Variants in JAZF1 observed in about 807,000 individuals in gnomAD.
JAZF1 encodes JAZF zinc finger 1.
JAZF1 carries 8 observed loss-of-function variants against 26.4 expected under a neutral mutation model. The ratio of observed to expected loss-of-function variants is 0.30; its 90% CI spans 0.18 to 0.55. The LOEUF (loss-of-function observed/expected upper bound fraction) is 0.55, where lower values mean the gene tolerates loss of function less well. Among genes scored for constraint, JAZF1 ranks in the 20% least tolerant of loss-of-function variants. The pLI is 0.94. For missense variants in JAZF1, 199 were observed against 322.0 expected (o/e 0.62, Z 2.92); for synonymous variants, 126 against 122.3 (o/e 1.03, Z -0.20).
chr7:27,897,969 T>C (rs143069741), intron 2 of JAZF1, among the ~76,000 whole-genome samples: 182 of 152,326 alleles, frequency 1.2e-3, no homozygotes, highest in African/African-American at 4.0e-3. Context: ...CAGAGGACTG[T>C]TGTGAGAGTA....
intron 2 of JAZF1, among the ~76,000 whole-genome samples, chr7:27,939,247 G>A (rs1383275426): frequency 6.6e-6 from 1 of 152,186 alleles, no homozygotes; most frequent in African/African-American, 2.4e-5. Context: ...AAACTCCTGG[G>A]AGAAAAAACC....
intron 2 of JAZF1, among the ~76,000 whole-genome samples, chr7:27,910,033 AAAG>A (rs1784333989): frequency 6.6e-6 from 1 of 152,230 alleles, no homozygotes; most frequent in South Asian, 2.1e-4. Context: ...AAATGCTTGC[AAAG>A]GAGGAGCACT....
chr7:28,063,417 C>T (rs991782141), intron 1 of JAZF1, among the ~76,000 whole-genome samples: 2 of 152,076 alleles, frequency 1.3e-5, no homozygotes, highest in Admixed American at 6.5e-5. Context: ...CTGCGAACTG[C>T]AATAGAACCA....
intron 1 of JAZF1, among the ~76,000 whole-genome samples, chr7:28,056,473 CACAAT>C (rs1783712323): frequency 1.0e-5 from 1 of 99,404 alleles, no homozygotes; most frequent in South Asian, 3.1e-4. Flanking sequence ...CACACACACA[CACAAT>C]AAGAAAGAAA....
intron 1 of JAZF1, among the ~76,000 whole-genome samples, chr7:28,045,059 C>T (rs1390617667): frequency 6.7e-6 from 1 of 148,838 alleles, no homozygotes; most frequent in Non-Finnish European, 1.5e-5. Flanking sequence ...AAGGGGCAGG[C>T]AGGAAGGAAG....
chr7:28,011,643 G>A (rs1392043126), intron 1 of JAZF1, among the ~76,000 whole-genome samples: 3 of 152,130 alleles, frequency 2.0e-5, no homozygotes, highest in Non-Finnish European at 4.4e-5. Context: ...TTGGTAATCA[G>A]AGCGCAGGGA....
chr7:28,110,615 A>AAAAGGAAAGG (rs201512210), intron 1 of JAZF1, among the ~76,000 whole-genome samples: 30 of 128,468 alleles, frequency 2.3e-4, no homozygotes, highest in South Asian at 2.8e-4. Flanking sequence ...AAAGGAAAGG[A>AAAAGGAAAGG]AAAGGAAAGG....
chr7:28,120,751 T>G (rs1347906626), intron 1 of JAZF1, among the ~76,000 whole-genome samples: 2 of 152,072 alleles, frequency 1.3e-5, no homozygotes, highest in South Asian at 2.1e-4. Context: ...CCACCCCAAG[T>G]GGGAGATTTG....
intron 1 of JAZF1, among the ~76,000 whole-genome samples, chr7:28,017,330 G>T (rs7811951): frequency 6.8e-5 from 10 of 146,276 alleles, no homozygotes; most frequent in African/African-American, 2.6e-4. Flanking sequence ...CAGCCTAGGC[G>T]ACAGTGAGAC....
chr7:28,013,756 C>T (rs1196051349), intron 1 of JAZF1, among the ~76,000 whole-genome samples: 2 of 152,076 alleles, frequency 1.3e-5, no homozygotes, highest in African/African-American at 4.8e-5. Flanking sequence ...TGATTGCTGG[C>T]CACAGAGAGA....
intron 2 of JAZF1, among the ~76,000 whole-genome samples, chr7:27,925,740 A>G (rs1317434628): frequency 6.6e-6 from 1 of 152,126 alleles, no homozygotes; most frequent in Admixed American, 6.5e-5. Context: ...GCCAATATTC[A>G]TTTGGATGTT....
intron 2 of JAZF1, among the ~76,000 whole-genome samples, chr7:27,973,830 A>G (rs181812193): frequency 3.5e-4 from 54 of 152,310 alleles, no homozygotes; most frequent in Non-Finnish European, 5.9e-4. Context: ...AGCTCTAGTG[A>G]TGGCAGCTGG....
At chr7:28,114,464 C>G (rs1270801689) in intron 1 of JAZF1, among the ~76,000 whole-genome samples, 1 of 151,588 alleles carries the variant, frequency 6.6e-6, no homozygotes, top group Non-Finnish European at 1.5e-5. Flanking sequence ...CCAAAGAGGC[C>G]TATTCTTAAT....
chr7:27,852,195 G>C (rs529440405), intron 3 of JAZF1, among the ~76,000 whole-genome samples: 161 of 151,088 alleles, frequency 1.1e-3, no homozygotes, highest in African/African-American at 3.8e-3. Context: ...GCAGTGGAGC[G>C]ATCTGAGCTC....
chr7:27,905,332 A>AAT (rs5883107), intron 2 of JAZF1, among the ~76,000 whole-genome samples: 55,897 of 140,524 alleles, frequency 0.4, 10,503 homozygotes, highest in East Asian at 0.49. Context: ...GTCTTTGGAG[A>AAT]ATTCTAATCT....
At position 28,000,022 on chromosome 7, in the gene JAZF1, T is replaced by C. The variant is rs117554813; in HGVS notation, c.116-8041A>G. On this transcript the variant is annotated intron_variant, in intron 1 of 4. Transcript: ENST00000283928. ...GATGAATGGGAACTGAGCCAGGTTT[T>C]GAAGGGAGTGAGCGTAGCGAATCAT... Among the ~76,000 whole-genome samples the C allele has an allele frequency of 3.7e-4, 57 of 152,292 alleles. 3 individuals carry two copies. The East Asian group carries it at 0.011, about 29-fold the overall frequency.
intron 1 of JAZF1, among the ~76,000 whole-genome samples, chr7:28,115,274 T>C (rs1039181005): frequency 3.3e-5 from 5 of 152,220 alleles, no homozygotes; most frequent in African/African-American, 7.2e-5. Context: ...TTTAATAATA[T>C]GGTTTAACCC....
At chr7:28,005,343 T>A (rs536027143) in intron 1 of JAZF1, among the ~76,000 whole-genome samples, 1 of 152,062 alleles carries the variant, frequency 6.6e-6, no homozygotes, top group East Asian at 1.9e-4. Context: ...CGGAAGCCAG[T>A]TTTGTCAAGG....
chr7:28,170,334 GATATGTGTGTGTGTGTGT>G (rs1251131221), intron 1 of JAZF1, among the ~76,000 whole-genome samples: 23 of 104,348 alleles, frequency 2.2e-4, no homozygotes, highest in Non-Finnish European at 4.8e-4. Context: ...AAGAGAAGTT[GATATGTGTGTGTGTGTGT>G]GTGTGTGTGT....
Sources: allele counts gnomAD v4.1 joint callset (sites outside exome capture counted in the v4.1 genomes callset), GRCh38; gene constraint gnomAD v4.1.1; transcripts MANE v1.5; gene names NCBI Gene and HGNC (gene_info 2026-07-23, HGNC 2026-07-21).